LRRC75B: variants seen among roughly 807,000 people sequenced by gnomAD.
LRRC75B encodes leucine rich repeat containing 75B.
In LRRC75B, 20 loss-of-function variants were observed where a neutral mutation model predicts 16.5. The ratio of observed to expected loss-of-function variants is 1.21; its 90% CI spans 0.85 to 1.76. The LOEUF (loss-of-function observed/expected upper bound fraction) is 1.76. Among genes scored for constraint, LRRC75B ranks in the 40% most tolerant of loss-of-function variants. The pLI is 0.00. For synonymous variants in LRRC75B, 199 were observed against 198.1 expected (o/e 1.00, Z -0.04); for missense variants, 406 against 417.0 (o/e 0.97, Z 0.23).
At chr22:24,589,733 C>T (rs1335505878) in intron 2 of LRRC75B, 88 bp downstream of exon 2, 12 of 1,435,004 alleles carry the variant, frequency 8.4e-6, no homozygotes, top group Non-Finnish European at 1.1e-5. Context: ...CGCAGAAGGA[C>T]CTAGCCTCCC....
In LRRC75B at chr22:24,593,026, A is replaced by C; in HGVS notation, c.14T>G (p.Leu5Arg). MGAR[L>R]GRRAGPEAGS... is the part of the protein sequence containing the mutation. ...AGCCTCGGGCCCGGCCCGCCGGCCC[A>C]GCCGCGCCCCCATGGCCGCCGCGCG... Residue 5 changes from leucine (L) to arginine (R), a missense_variant, in exon 1 of 4, where the codon CTG (leucine) becomes CGG (arginine). Leu to Arg is a moderately radical substitution (Grantham distance 102). Transcript: ENST00000318753. The C allele has an allele frequency of 9.4e-7, 1 of 1,062,802 alleles. No individual in the cohort carries two copies. The highest frequency in any genetic ancestry group is 1.1e-6 in the Non-Finnish European group (1 of 881,620). The allele number at this position is 1,062,802 out of a possible 1,614,324, so 65.8% of individuals were successfully genotyped here.
Position 24,592,989 on chromosome 22 carries a change from G to A in LRRC75B, c.51C>T (p.Ala17=). ...CGGGCCCGCAGCCGGCCGCCGCCCC[G>A]GCCTCAGAGCCAGCCTCGGGCCCGG... The part of the protein sequence containing the change: ...RRAGPEAGSE[A]GAAAGCGPAP... The change falls in exon 1 of 4, where the codon GCC becomes GCT. Residue 17 remains alanine, a synonymous_variant. Transcript: ENST00000318753. 2 of 1,156,318 alleles carry A rather than the reference G, an allele frequency of 1.7e-6. No individual in the cohort carries two copies. The highest frequency in any genetic ancestry group is 2.1e-6 in the Non-Finnish European group (2 of 939,802). The allele number at this position is 1,156,318 out of a possible 1,614,324, so 71.6% of individuals were successfully genotyped here.
intron 2 of LRRC75B, 146 bp downstream of exon 2, chr22:24,589,675 G>T: frequency 1.1e-6 from 1 of 902,436 alleles, no homozygotes. Context: ...GATGCTGGCA[G>T]CAGGTCTCAG....
chr22:24,592,667 C>T (rs901022016), intron 1 of LRRC75B, 196 bp downstream of exon 1: 19 of 982,048 alleles, frequency 1.9e-5, no homozygotes, highest in South Asian at 5.3e-5. Context: ...CAGGCGGTCG[C>T]CCTCTCGCCC....
intron 3 of LRRC75B, 57 bp downstream of exon 3, chr22:24,588,157 C>T: frequency 1.4e-6 from 2 of 1,380,914 alleles, no homozygotes; most frequent in Non-Finnish European, 2.0e-6. Context: ...CAGGTGTCAA[C>T]CTGAGAAGGG....
intron 1 of LRRC75B, chr22:24,592,598 GGACACACTCA>G (rs2045604041): frequency 2.0e-6 from 1 of 508,898 alleles, no homozygotes; most frequent in African/African-American, 2.0e-5. Flanking sequence ...CCAAAGACCC[GGACACACTCA>G]GCAGCCCCCT....
chr22:24,590,262 G>C (rs2045529623), intron 1 of LRRC75B, among the ~76,000 whole-genome samples: 1 of 152,092 alleles, frequency 6.6e-6, no homozygotes, highest in Non-Finnish European at 1.5e-5. Flanking sequence ...TGAGGAGCTG[G>C]GGCTATAGAC....
At chr22:24,588,811 G>A (rs181327517) in intron 2 of LRRC75B, 6 of 1,013,786 alleles carry the variant, frequency 5.9e-6, no homozygotes, top group Admixed American at 1.1e-4. Context: ...GCGCCTGCGG[G>A]GTCTGGGTCT....
chr22:24,588,332 G>C lies in LRRC75B; in HGVS notation c.307-3C>G. ...GAGGACTTCCAGAGCTCATAGTCCT[G>C]TGGGAGGGCAGTGTCACCATGGTGA... is the stretch of plus-strand genomic sequence containing the variant. On this transcript the variant is annotated splice_region_variant and splice_polypyrimidine_tract_variant and intron_variant, in intron 2 of 3. Transcript: ENST00000318753. 1 of 1,606,336 alleles carries C rather than the reference G, an allele frequency of 6.2e-7. No individual in the cohort carries two copies. Among genetic ancestry groups the C allele is most frequent in the Non-Finnish European group, 8.5e-7 (1 of 1,174,186 alleles).
intron 1 of LRRC75B, chr22:24,592,541 G>A (rs1019055372): frequency 4.1e-5 from 18 of 437,566 alleles, no homozygotes; most frequent in Admixed American, 1.4e-4. Context: ...GGGCTCTTAG[G>A]TCCAGGCTAC....
At chr22:24,589,772 C>G (rs1301821542) in intron 2 of LRRC75B, 49 bp downstream of exon 2, 1 of 1,558,146 alleles carries the variant, frequency 6.4e-7, no homozygotes, top group Admixed American at 2.1e-5. Context: ...CTGTTGGCCC[C>G]CCTGTCCACC....
At position 24,588,239 on chromosome 22, in the gene LRRC75B, G is replaced by A. The variant is rs1159222592; in HGVS notation, c.397C>T (p.Leu133=). ...CAGCTCTGGGTCTTCCTCTGGCGCA[G>A]GCTGGACCCTTGCTGCTGCTTCGAG... is the stretch of plus-strand genomic sequence containing the variant. ...PHSKQQQGSS[L]RQRKTQSCLK... is the part of the protein sequence containing the mutation. Residue 133 remains leucine, a synonymous_variant, in exon 3 of 4, where the codon CTG becomes TTG. Coordinates refer to ENST00000318753, the MANE Select transcript of LRRC75B (RefSeq NM_207644.3). 1 of 1,613,338 alleles carries A rather than the reference G, an allele frequency of 6.2e-7. No homozygotes were observed. The highest frequency in any genetic ancestry group is 8.5e-7 in the Non-Finnish European group (1 of 1,179,800).
chr22:24,592,881 C>T lies in LRRC75B; in HGVS notation c.159G>A (p.Leu53=), dbSNP rs1166787775. The T allele has an allele frequency of 1.0e-5, 13 of 1,283,018 alleles. No homozygotes were observed. Among genetic ancestry groups the T allele is most frequent in the Non-Finnish European group, 7.9e-6 (8 of 1,014,960 alleles). 79.5% of individuals were successfully genotyped at this position (1,283,018 alleles called of 1,614,324 possible). The part of the protein sequence containing the change: ...RERRPERARQ[L]LRLLRQDLGL... ...CTCTCGCCTGGCGCAGGAGGCGCAG[C>T]AGCTGCCGGGCGCGCTCCGGCCGCC... The change falls in exon 1 of 4, where the codon CTG becomes CTA. Residue 53 remains leucine, a synonymous_variant. Transcript: ENST00000318753.
Position 24,585,852 on chromosome 22 carries a change from C to A in LRRC75B, c.*34G>T. 6.5e-7 allele frequency: 1 copy of A among 1,526,968 alleles called. No individual in the cohort carries two copies. Among genetic ancestry groups the A allele is most frequent in the Non-Finnish European group, 8.8e-7 (1 of 1,138,870 alleles). The allele number at this position is 1,526,968 out of a possible 1,614,324, so 94.6% of individuals were successfully genotyped here. ...CACTATCATGTGCTTGAGAGCATCA[C>A]AAGTCAGTAGCAATGAGCCAGGTGG... On this transcript the variant is annotated 3_prime_UTR_variant, in exon 4 of 4. Coordinates refer to ENST00000318753, the MANE Select transcript of LRRC75B (RefSeq NM_207644.3).
At chr22:24,586,821 G>A (rs2045409992) in intron 3 of LRRC75B, among the ~76,000 whole-genome samples, 1 of 152,238 alleles carries the variant, frequency 6.6e-6, no homozygotes, top group Non-Finnish European at 1.5e-5. Flanking sequence ...GTGAGCCACT[G>A]CGCCCGGGCC....
chr22:24,592,482 C>T (rs1046656561), intron 1 of LRRC75B: 3 of 455,572 alleles, frequency 6.6e-6, no homozygotes, highest in Non-Finnish European at 1.4e-5. Context: ...GATTTGACCT[C>T]ACTTGCCACT....
intron 2 of LRRC75B, chr22:24,589,181 G>A: frequency 8.5e-7 from 1 of 1,182,746 alleles, no homozygotes; most frequent in Non-Finnish European, 1.1e-6. Context: ...GGGTCCGGTG[G>A]CTGGTCACAG....
chr22:24,588,878 C>T (rs2147159362), intron 2 of LRRC75B: 1 of 1,007,554 alleles, frequency 9.9e-7, no homozygotes, highest in Non-Finnish European at 1.2e-6. Flanking sequence ...GGCTCTCTCT[C>T]AGTCCTAACT....
chr22:24,590,571 G>T (rs888878868), intron 1 of LRRC75B, among the ~76,000 whole-genome samples: 1 of 152,108 alleles, frequency 6.6e-6, no homozygotes, highest in Non-Finnish European at 1.5e-5. Flanking sequence ...ATTCTTTGGG[G>T]TCTTTCGTCT....
Sources: allele counts gnomAD v4.1 joint callset (sites outside exome capture counted in the v4.1 genomes callset), GRCh38; gene constraint gnomAD v4.1.1; transcripts MANE v1.5; gene names NCBI Gene and HGNC (gene_info 2026-07-23, HGNC 2026-07-21).